TPRG1: variants seen among roughly 807,000 people sequenced by gnomAD.
TPRG1 encodes the protein tumor protein p63 regulated 1, also known as tumor protein p63-regulated gene 1 protein.
In TPRG1, 29 loss-of-function variants were observed where a neutral mutation model predicts 29.3. That is an observed-to-expected ratio of 0.99 (90% CI 0.74 to 1.35). TPRG1 has a LOEUF of 1.35. TPRG1 is among the 40% of genes most tolerant of loss of function. The pLI is 0.00. For synonymous variants in TPRG1, 130 were observed against 116.8 expected, an observed-to-expected ratio of 1.11 and a Z score of -0.73; for missense variants, 327 against 335.0, an observed-to-expected ratio of 0.98 and a Z score of 0.19.
chr3:189,284,937 A>G (rs1346480125), intron 4 of TPRG1, among the ~76,000 whole-genome samples: 2 of 152,170 alleles, frequency 1.3e-5, no homozygotes, highest in Admixed American at 6.5e-5. Flanking sequence ...AAATTGACAA[A>G]TGGGATCTAA....
intron 4 of TPRG1, among the ~76,000 whole-genome samples, chr3:189,279,540 C>G (rs912792246): frequency 2.0e-5 from 3 of 152,108 alleles, no homozygotes; most frequent in Admixed American, 1.3e-4. Flanking sequence ...TCTCTCTAAA[C>G]CTTATTTTTT....
chr3:189,153,609 A>C (rs1035118482), intron 5 of TPRG1, among the ~76,000 whole-genome samples: 3 of 152,124 alleles, frequency 2.0e-5, no homozygotes, highest in African/African-American at 7.2e-5. Flanking sequence ...AATTCTTCCT[A>C]GATCAAGTGT....
At chr3:189,009,956 C>G (rs779131534) in intron 3 of TPRG1, among the ~76,000 whole-genome samples, 2 of 152,048 alleles carry the variant, frequency 1.3e-5, no homozygotes, top group Non-Finnish European at 2.9e-5. Context: ...ACCCCTTGCC[C>G]TCCCACAGGC....
chr3:189,129,185 A>C (rs1722833091), intron 2 of TPRG1, among the ~76,000 whole-genome samples: 2 of 152,154 alleles, frequency 1.3e-5, no homozygotes, highest in Non-Finnish European at 2.9e-5. Context: ...ACGTTGCCTT[A>C]GTTGTCAGGT....
intron 4 of TPRG1, among the ~76,000 whole-genome samples, chr3:189,062,329 A>G (rs1453664829): frequency 2.0e-5 from 3 of 152,140 alleles, no homozygotes; most frequent in Non-Finnish European, 2.9e-5. Context: ...GAAAATAACT[A>G]TTGGATACTA....
intron 4 of TPRG1, among the ~76,000 whole-genome samples, chr3:189,048,948 C>G (rs9821108): frequency 2.0e-5 from 3 of 151,920 alleles, no homozygotes; most frequent in Non-Finnish European, 4.4e-5. Flanking sequence ...GAGAGCTGAG[C>G]GAAATACAGG....
Position 189,283,040 on chromosome 3 carries a change from C to A in TPRG1, c.480-27346C>A, listed in dbSNP as rs183237002. On this transcript the variant is annotated intron_variant, in intron 4 of 5. Transcript: ENST00000345063. ...TGTGGTTCTTTTTTTATTATCATTA[C>A]CGAGTAAACCATTCATATCTAAAAA... 2.7e-3 allele frequency among the ~76,000 whole-genome samples: 412 copies of A among 152,196 alleles called. 4 individuals carry two copies. Among genetic ancestry groups the A allele is most frequent in the Middle Eastern group, 0.017 (5 of 294 alleles).
At chr3:189,155,119 G>T (rs910852373) in intron 5 of TPRG1, among the ~76,000 whole-genome samples, 11 of 152,172 alleles carry the variant, frequency 7.2e-5, no homozygotes, top group Non-Finnish European at 1.3e-4. Context: ...GGAAGAGGGA[G>T]CAAGGGGGAG....
intron 1 of TPRG1, among the ~76,000 whole-genome samples, chr3:189,100,605 G>T (rs1258868863): frequency 1.3e-5 from 2 of 152,124 alleles, no homozygotes; most frequent in African/African-American, 4.8e-5. Flanking sequence ...TAACTCGTTT[G>T]CTCTCTGTAA....
intron 1 of TPRG1, among the ~76,000 whole-genome samples, chr3:189,106,671 C>T (rs1260969392): frequency 2.0e-4 from 30 of 152,102 alleles, no homozygotes; most frequent in Non-Finnish European, 5.9e-5. Flanking sequence ...ATGACTATTA[C>T]ATTTGTAATA....
chr3:189,019,158 A>G (rs1280990068), intron 3 of TPRG1, among the ~76,000 whole-genome samples: 1 of 151,118 alleles, frequency 6.6e-6, no homozygotes, highest in African/African-American at 2.4e-5. Flanking sequence ...TTCTAGATAT[A>G]CAATCATGTC....
chr3:189,113,945 AAAAT>A (rs1424663304), intron 1 of TPRG1, among the ~76,000 whole-genome samples: 3 of 151,984 alleles, frequency 2.0e-5, no homozygotes, highest in Non-Finnish European at 4.4e-5. Context: ...AAAATAAAAT[AAAAT>A]AAAGTGTTCC....
At chr3:189,262,420 C>T (rs1713279441) in intron 4 of TPRG1, among the ~76,000 whole-genome samples, 2 of 151,890 alleles carry the variant, frequency 1.3e-5, no homozygotes, top group South Asian at 4.2e-4. Flanking sequence ...GAAGAGAGGT[C>T]GGTTGAGACA....
chr3:189,308,365 C>A (rs1721941304), intron 4 of TPRG1, among the ~76,000 whole-genome samples: 2 of 152,256 alleles, frequency 1.3e-5, no homozygotes, highest in South Asian at 4.1e-4. Flanking sequence ...TAAAGTATTT[C>A]TGGTCATAAA....
At chr3:189,026,874 T>C (rs1324934921) in intron 4 of TPRG1, among the ~76,000 whole-genome samples, 2 of 152,174 alleles carry the variant, frequency 1.3e-5, no homozygotes, top group East Asian at 1.9e-4. Flanking sequence ...GGAGGCAACA[T>C]GGCGTGTTTG....
At chr3:189,158,458 A>T (rs900462665) in intron 5 of TPRG1, among the ~76,000 whole-genome samples, 3 of 151,786 alleles carry the variant, frequency 2.0e-5, no homozygotes, top group Admixed American at 6.6e-5. Context: ...AAAATACAAA[A>T]ATTCGCCAGG....
intron 3 of TPRG1, among the ~76,000 whole-genome samples, chr3:189,143,948 C>G (rs1016481580): frequency 6.6e-6 from 1 of 152,142 alleles, no homozygotes; most frequent in African/African-American, 2.4e-5. Flanking sequence ...CCCCCAGACA[C>G]TTTGCTTTCC....
chr3:189,315,172 G>A (rs12631597), intron 5 of TPRG1, among the ~76,000 whole-genome samples: 14,952 of 151,934 alleles, frequency 0.098, 934 homozygotes, highest in East Asian at 0.19. Flanking sequence ...AAAAAAAAAT[G>A]AGGACAGTTA....
At position 189,320,747 on chromosome 3, in the gene TPRG1, C is replaced by T. The variant is rs575189731; in HGVS notation, c.755C>T (p.Thr252Ile). ...GAACCCATTTTGATTGAGACCTACA[C>T]AGGGCTGATGTCATTCATTGGAAAC... ...LTEPILIETY[T>I]GLMSFIGNRN... Residue 252 changes from threonine to isoleucine, a missense_variant, in exon 6 of 6, where the codon ACA (threonine) becomes ATA (isoleucine). Thr to Ile is a moderately conservative substitution (Grantham distance 89). Coordinates refer to ENST00000345063, the MANE Select transcript of TPRG1 (RefSeq NM_198485.4). 3 of 1,612,670 alleles carry T rather than the reference C, an allele frequency of 1.9e-6. No individual in the cohort carries two copies. The Admixed American group carries it at 5.0e-5, about 27-fold the overall frequency.
Sources: gnomAD v4.1 joint callset for allele counts (sites outside exome capture counted in the v4.1 genomes callset) on GRCh38, gnomAD v4.1.1 for gene constraint, MANE v1.5 for transcripts, NCBI Gene and HGNC (gene_info 2026-07-23, HGNC 2026-07-21) for gene names.